LTF: variants seen among roughly 807,000 people sequenced by gnomAD.
The protein encoded by LTF is epididymis luminal protein 110.
A neutral mutation model predicts 87.2 loss-of-function variants in LTF; 91 were observed. The ratio of observed to expected loss-of-function variants is 1.04; its 90% CI spans 0.88 to 1.24. LTF has a LOEUF of 1.24. LTF is among the 50% of genes most tolerant of loss of function. The probability of loss-of-function intolerance (pLI) is 0.00; values close to 1 mark genes in which losing one functional copy is unlikely to be tolerated. For synonymous variants in LTF, 378 were observed against 356.1 expected (o/e 1.06, Z -0.69); for missense variants, 901 against 904.3 (o/e 1.00, Z 0.05).
intron 13 of LTF, among the ~76,000 whole-genome samples, chr3:46,442,684 C>G (rs1373662032): frequency 6.6e-6 from 1 of 152,122 alleles, no homozygotes; most frequent in Non-Finnish European, 1.5e-5. Context: ...GCAAAAGCTA[C>G]TTTTCTGTCA....
chr3:46,480,188 G>C (rs140545650), intron 1 of LTF, among the ~76,000 whole-genome samples: 4 of 152,152 alleles, frequency 2.6e-5, no homozygotes, highest in Admixed American at 2.0e-4. Context: ...CAAAGTTAGA[G>C]GCCTTGAACT....
rs1400756131 is a variant in LTF, at chr3:46,436,175, C to T, written c.*20G>A. The T allele has an allele frequency of 6.2e-7, 1 of 1,613,946 alleles. No homozygotes were observed. The highest frequency in any genetic ancestry group is 1.7e-5 in the Admixed American group (1 of 60,022). On this transcript the variant is annotated 3_prime_UTR_variant, in exon 17 of 17. Coordinates refer to ENST00000231751, the MANE Select transcript of LTF (RefSeq NM_002343.6). Reference sequence around the variant, plus strand: ...GAATGGCTGAGGCTTTCTTGGGGAGCTGGGCCATCTTCTTCGGTTTTACTT... The same window carrying T: ...GAATGGCTGAGGCTTTCTTGGGGAGTTGGGCCATCTTCTTCGGTTTTACTT...
chr3:46,479,212 G>T (rs1022263795), intron 1 of LTF, among the ~76,000 whole-genome samples: 1 of 152,226 alleles, frequency 6.6e-6, no homozygotes, highest in Non-Finnish European at 1.5e-5. Flanking sequence ...TGGAGGAGGG[G>T]CAGCCTGACC....
upstream of LTF, among the ~76,000 whole-genome samples, chr3:46,465,993 C>G (rs1201691457): frequency 2.6e-5 from 4 of 152,186 alleles, no homozygotes; most frequent in African/African-American, 7.2e-5. Context: ...AATCCCAGCA[C>G]TTTGGGAGGC....
chr3:46,450,687 G>A lies in LTF; in HGVS notation c.704-14C>T. 6.2e-7 allele frequency: 1 copy of A among 1,603,218 alleles called. No individual in the cohort carries two copies. Among genetic ancestry groups the A allele is most frequent in the Non-Finnish European group, 8.5e-7 (1 of 1,170,640 alleles). On this transcript the variant is annotated splice_polypyrimidine_tract_variant and intron_variant, in intron 6 of 16. Transcript: ENST00000231751. ...CTGACAGGTCCTCTGCAGGGAAGGTGAGGTGGGAGGGAGTCTAGATAAGCC... is the reference window on the plus strand; with the variant it reads ...CTGACAGGTCCTCTGCAGGGAAGGTAAGGTGGGAGGGAGTCTAGATAAGCC...
chr3:46,461,231 A>G (rs1703073933), intron 1 of LTF, among the ~76,000 whole-genome samples: 1 of 152,252 alleles, frequency 6.6e-6, no homozygotes, highest in African/African-American at 2.4e-5. Flanking sequence ...CCACTTTGTA[A>G]AACAGGTTGG....
chr3:46,439,644 C>T (rs62247786), intron 14 of LTF, among the ~76,000 whole-genome samples, 164 bp from the exon 15 acceptor site: 3,404 of 152,326 alleles, frequency 0.022, 73 homozygotes, highest in Middle Eastern at 0.044. Flanking sequence ...GCTGTACAAA[C>T]TTCAAATATA....
At chr3:46,451,206 T>G (rs911044311) in intron 6 of LTF, among the ~76,000 whole-genome samples, 1 of 152,218 alleles carries the variant, frequency 6.6e-6, no homozygotes, top group Non-Finnish European at 1.5e-5. Context: ...TGCTTCAGAA[T>G]GTGTAAAGTG....
In LTF at chr3:46,464,842, A is replaced by C. The variant is rs1232533471; in HGVS notation, c.26T>G (p.Leu9Arg). MKLVFLVL[L>R]FLGALGLCLA... ...GCACTCACCGAGGGCCCCGAGGAAC[A>C]GCAGGACGAGGAAGACAAGTTTCAT... The change falls in exon 1 of 17, where the codon CTG (leucine) becomes CGG (arginine). Residue 9 changes from leucine to arginine, a missense_variant. Leu to Arg is a moderately radical substitution (Grantham distance 102). Transcript: ENST00000231751. 6.2e-7 allele frequency: 1 copy of C among 1,613,866 alleles called. No individual in the cohort carries two copies. The highest frequency in any genetic ancestry group is 1.7e-5 in the Admixed American group (1 of 59,900).
chr3:46,448,411 T>C (rs1342093503), intron 9 of LTF, among the ~76,000 whole-genome samples: 1 of 152,076 alleles, frequency 6.6e-6, no homozygotes, highest in Non-Finnish European at 1.5e-5. Context: ...AATATTCATG[T>C]GGAAGAATGC....
chr3:46,463,343 G>A (rs1010024693), intron 1 of LTF: 1 of 489,860 alleles, frequency 2.0e-6, no homozygotes, highest in African/African-American at 2.1e-5. Flanking sequence ...CAGACTGATG[G>A]GAAACCTCAT....
intron 1 of LTF, among the ~76,000 whole-genome samples, chr3:46,477,602 C>T (rs756704215): frequency 4.6e-5 from 7 of 152,216 alleles, no homozygotes; most frequent in Non-Finnish European, 7.3e-5. Flanking sequence ...AAGCATCTCC[C>T]TCATAAAATT....
intron 1 of LTF, among the ~76,000 whole-genome samples, chr3:46,477,481 G>A (rs1048616160): frequency 2.0e-5 from 3 of 152,186 alleles, no homozygotes; most frequent in South Asian, 4.1e-4. Flanking sequence ...GTTAAACATC[G>A]CAGGCAGGGG....
intron 2 of LTF, among the ~76,000 whole-genome samples, chr3:46,457,435 T>C (rs1292138578): frequency 6.6e-6 from 1 of 152,232 alleles, no homozygotes; most frequent in Non-Finnish European, 1.5e-5. Context: ...TTGTGACCAC[T>C]TGTGTCCTTG....
Position 46,450,484 on chromosome 3 carries a change from G to A in LTF, c.882+11C>T. 1.2e-6 allele frequency: 2 copies of A among 1,603,388 alleles called. No individual in the cohort carries two copies. The highest frequency in any genetic ancestry group is 2.2e-5 in the East Asian group (1 of 44,740). The stretch of plus-strand genomic sequence containing the variant: ...ATCCAAGCAAGTGGGGAGGACCGTG[G>A]GTGAAGATACCTGTGCCTGGCGGAG... On this transcript the variant is annotated intron_variant, in intron 7 of 16. Coordinates refer to ENST00000231751, the MANE Select transcript of LTF (RefSeq NM_002343.6).
chr3:46,452,114 G>A lies in LTF; in HGVS notation c.704-1441C>T, dbSNP rs138096398. Among the ~76,000 whole-genome samples, 630 of 152,188 alleles carry A rather than the reference G, an allele frequency of 4.1e-3. 5 individuals are homozygous for A. The highest frequency in any genetic ancestry group is 0.015 in the African/African-American group (607 of 41,526). ...CACTCTTATTTAAAAAGATGATATC[G>A]TCATCTACAAAAAACCAATGAAACC... On this transcript the variant is annotated intron_variant, in intron 6 of 16. Coordinates refer to ENST00000231751, the MANE Select transcript of LTF (RefSeq NM_002343.6).
At chr3:46,475,479 A>G (rs572226661) in intron 1 of LTF, among the ~76,000 whole-genome samples, 1 of 150,906 alleles carries the variant, frequency 6.6e-6, no homozygotes, top group East Asian at 1.9e-4. Context: ...GAAACTCCCT[A>G]TGAGATGTCA....
chr3:46,450,397 C>G lies in LTF; in HGVS notation c.882+98G>C. On this transcript the variant is annotated intron_variant, in intron 7 of 16. Coordinates refer to ENST00000231751, the MANE Select transcript of LTF (RefSeq NM_002343.6). ...ATTAGTGTGCTATCCTGCAGCAAAGCTACAGGACTTCTGGAGTGGCAGAAG... is the reference window on the plus strand; with the variant it reads ...ATTAGTGTGCTATCCTGCAGCAAAGGTACAGGACTTCTGGAGTGGCAGAAG... The G allele has an allele frequency of 1.5e-6, 2 of 1,312,042 alleles. 1 individual carries two copies. The highest frequency in any genetic ancestry group is 2.5e-5 in the South Asian group (2 of 78,594). 81.3% of individuals were successfully genotyped at this position (1,312,042 alleles called of 1,614,324 possible).
intron 11 of LTF, 124 bp downstream of exon 11, chr3:46,446,316 G>C: frequency 3.3e-6 from 2 of 603,902 alleles, no homozygotes; most frequent in East Asian, 5.5e-5. Context: ...TAAAATTATT[G>C]CTCCTAGAAG....
Sources: allele counts gnomAD v4.1 joint callset (sites outside exome capture counted in the v4.1 genomes callset), GRCh38; gene constraint gnomAD v4.1.1; transcripts MANE v1.5; gene names NCBI Gene and HGNC (gene_info 2026-07-23, HGNC 2026-07-21).